Variants in PPP2R5E observed in about 807,000 individuals in gnomAD.
PPP2R5E encodes serine/threonine-protein phosphatase 2A 56 kDa regulatory subunit epsilon isoform.
In PPP2R5E, 4 loss-of-function variants were observed where a neutral mutation model predicts 65.3. The observed-to-expected ratio is 0.06, with a 90% CI of 0.03 to 0.14. The LOEUF is 0.14. Among genes scored for constraint, PPP2R5E ranks in the 10% least tolerant of loss-of-function variants. The pLI, the probability that PPP2R5E is intolerant of heterozygous loss-of-function variation, is 1.00. For missense variants in PPP2R5E, 274 were observed against 556.1 expected, an observed-to-expected ratio of 0.49 and a Z score of 5.10; for synonymous variants, 183 against 187.4, an observed-to-expected ratio of 0.98 and a Z score of 0.19.
At chr14:63,480,472 G>A (rs1890640471) in intron 2 of PPP2R5E, among the ~76,000 whole-genome samples, 1 of 152,110 alleles carries the variant, frequency 6.6e-6, no homozygotes, top group African/African-American at 2.4e-5. Context: ...AACAGTTGGG[G>A]TCTTACTCTG....
intron 2 of PPP2R5E, among the ~76,000 whole-genome samples, chr14:63,473,009 C>T (rs1215098717): frequency 6.6e-6 from 1 of 151,774 alleles, no homozygotes; most frequent in East Asian, 1.9e-4. Context: ...AGTTGATGGC[C>T]GTGGAAGAAT....
At chr14:63,491,539 G>C (rs961647011) in intron 2 of PPP2R5E, among the ~76,000 whole-genome samples, 1 of 152,070 alleles carries the variant, frequency 6.6e-6, no homozygotes, top group African/African-American at 2.4e-5. Context: ...CTGAGTTAAA[G>C]AAAGTATATT....
intron 2 of PPP2R5E, among the ~76,000 whole-genome samples, chr14:63,520,544 T>A (rs1892858117): frequency 6.6e-6 from 1 of 152,162 alleles, no homozygotes; most frequent in Non-Finnish European, 1.5e-5. Context: ...CCCAGAACAG[T>A]GTCTGGTGTA....
intron 2 of PPP2R5E, among the ~76,000 whole-genome samples, chr14:63,524,493 TAA>T (rs1893099247): frequency 6.6e-6 from 1 of 152,210 alleles, no homozygotes; most frequent in African/African-American, 2.4e-5. Context: ...GACGTTTAAA[TAA>T]CTCACCTCAG....
intron 2 of PPP2R5E, among the ~76,000 whole-genome samples, chr14:63,475,266 G>C (rs1021682410): frequency 6.6e-6 from 1 of 152,236 alleles, no homozygotes; most frequent in Non-Finnish European, 1.5e-5. Context: ...CTGTTGGGTA[G>C]AAGCTCTGGG....
chr14:63,386,923 CAAA>C (rs34820715), intron 11 of PPP2R5E, among the ~76,000 whole-genome samples: 1 of 122,722 alleles, frequency 8.1e-6, no homozygotes. Context: ...GACTCCATCT[CAAA>C]AAAAAAAAAA....
intron 3 of PPP2R5E, among the ~76,000 whole-genome samples, chr14:63,434,718 A>G (rs996179320): frequency 3.9e-5 from 6 of 152,190 alleles, no homozygotes; most frequent in African/African-American, 1.4e-4. Flanking sequence ...TTTATCTCTC[A>G]AAGAGAATTC....
chr14:63,384,658 CA>C, intron 11 of PPP2R5E, 87 bp from the exon 12 acceptor site: 1 of 1,126,842 alleles, frequency 8.9e-7, no homozygotes, highest in Middle Eastern at 2.1e-4. Context: ...AAAAGTATTT[CA>C]AAAGGCTATT....
intron 2 of PPP2R5E, among the ~76,000 whole-genome samples, chr14:63,485,530 T>G (rs536673454): frequency 6.6e-6 from 1 of 152,292 alleles, no homozygotes; most frequent in Non-Finnish European, 1.5e-5. Flanking sequence ...TTTTCCTGCC[T>G]CGGCCTCCCG....
chr14:63,476,201 GT>G (rs1566731304), intron 2 of PPP2R5E, among the ~76,000 whole-genome samples: 1 of 152,110 alleles, frequency 6.6e-6, no homozygotes, highest in Non-Finnish European at 1.5e-5. Flanking sequence ...TAATGCTCGA[GT>G]TTTTCAAGCT....
intron 4 of PPP2R5E, among the ~76,000 whole-genome samples, chr14:63,417,465 G>C (rs1395653011): frequency 7.0e-6 from 1 of 141,968 alleles, no homozygotes; most frequent in African/African-American, 2.7e-5. Flanking sequence ...ATTCCTTCAA[G>C]TAAAAATGAT....
intron 4 of PPP2R5E, 107 bp from the exon 5 acceptor site, chr14:63,415,339 AT>A: frequency 1.5e-6 from 1 of 659,918 alleles, no homozygotes. Flanking sequence ...TAGAAAATTG[AT>A]TTTAATATCA....
chr14:63,383,760 A>G (rs1884505064), intron 12 of PPP2R5E, among the ~76,000 whole-genome samples: 2 of 152,186 alleles, frequency 1.3e-5, no homozygotes, highest in African/African-American at 4.8e-5. Flanking sequence ...GAATGCTTTA[A>G]CTTTCATAGG....
chr14:63,467,449 T>C (rs914261212), intron 2 of PPP2R5E, among the ~76,000 whole-genome samples: 1 of 152,202 alleles, frequency 6.6e-6, no homozygotes, highest in Middle Eastern at 3.4e-3. Flanking sequence ...AAACATGCCA[T>C]GGGGTAGTAC....
chr14:63,389,512 A>G, intron 11 of PPP2R5E, 100 bp downstream of exon 11: 1 of 1,332,570 alleles, frequency 7.5e-7, no homozygotes, highest in Non-Finnish European at 1.0e-6. Flanking sequence ...GATAGCAAAT[A>G]AACAATAGGT....
intron 2 of PPP2R5E, among the ~76,000 whole-genome samples, chr14:63,483,670 C>A (rs553915763): frequency 3.9e-5 from 6 of 152,264 alleles, no homozygotes; most frequent in African/African-American, 1.4e-4. Flanking sequence ...CTGCAGGCAG[C>A]TCCATGAAAG....
chr14:63,407,132 T>C (rs1886134288), intron 5 of PPP2R5E, among the ~76,000 whole-genome samples: 1 of 152,218 alleles, frequency 6.6e-6, no homozygotes, highest in Admixed American at 6.5e-5. Context: ...AATGTGATTA[T>C]GATATTTTGC....
At chr14:63,499,101 A>T (rs756324134) in intron 2 of PPP2R5E, among the ~76,000 whole-genome samples, 1 of 152,210 alleles carries the variant, frequency 6.6e-6, no homozygotes, top group Non-Finnish European at 1.5e-5. Context: ...ACTCATAAAA[A>T]GGCCCCAGGA....
At chr14:63,491,922 T>G (rs1891303423) in intron 2 of PPP2R5E, among the ~76,000 whole-genome samples, 1 of 152,140 alleles carries the variant, frequency 6.6e-6, no homozygotes, top group Non-Finnish European at 1.5e-5. Flanking sequence ...AATTTAAAAT[T>G]ACATATGTGT....
Sources: allele counts gnomAD v4.1 joint callset (sites outside exome capture counted in the v4.1 genomes callset), GRCh38; gene constraint gnomAD v4.1.1; transcripts MANE v1.5; gene names NCBI Gene and HGNC (gene_info 2026-07-23, HGNC 2026-07-21).